The following TBC1D25 variants were observed in gnomAD, a reference collection of about 807,000 sequenced individuals.
TBC1D25 encodes the protein 5SN3 snoRNA.
In TBC1D25, 13 loss-of-function variants were observed where a neutral mutation model predicts 38.8. That is an observed-to-expected ratio of 0.34 (90% CI 0.22 to 0.53). The LOEUF is 0.53. TBC1D25 is among the 20% of genes least tolerant of loss of function. The probability of loss-of-function intolerance (pLI) is 0.94; values close to 1 mark genes in which losing one functional copy is unlikely to be tolerated. For synonymous variants in TBC1D25, 225 were observed against 255.6 expected (o/e 0.88, Z 1.14); for missense variants, 372 against 600.0 (o/e 0.62, Z 3.97).
At chrX:48,545,340 TATAAC>T (rs1331573745) in intron 3 of TBC1D25, among the ~76,000 whole-genome samples, 1 of 112,619 alleles carries the variant, frequency 8.9e-6, no homozygotes, top group Non-Finnish European at 1.9e-5. Flanking sequence ...ATTATACTAT[TATAAC>T]ATATAACCGA....
intron 2 of TBC1D25, 93 bp from the exon 3 acceptor site, chrX:48,544,776 C>T (rs1467337490): frequency 8.5e-6 from 9 of 1,063,465 alleles, no homozygotes; most frequent in African/African-American, 5.6e-5. Context: ...TTGTTTTCAA[C>T]GCCTTCTATA....
Position 48,562,423 on chromosome X carries a change from C to T in TBC1D25, c.*1448C>T, listed in dbSNP as rs1232369437. 8.9e-6 allele frequency: 1 copy of T among 111,972 alleles called. No homozygotes were observed. Among genetic ancestry groups the T allele is most frequent in the East Asian group, 2.8e-4 (1 of 3,567 alleles). 9.2% of individuals were successfully genotyped at this position (111,972 alleles called of 1,213,427 possible). Reference sequence around the variant, plus strand: ...AAGCTGACTATTCCTCAGATGATAGCCCAGTCACTTGAAGAACAGGACAAG... The same window carrying T: ...AAGCTGACTATTCCTCAGATGATAGTCCAGTCACTTGAAGAACAGGACAAG... On this transcript the variant is annotated 3_prime_UTR_variant, in exon 6 of 6. Coordinates refer to ENST00000376771, the MANE Select transcript of TBC1D25 (RefSeq NM_002536.4).
chrX:48,551,203 T>C lies in TBC1D25; in HGVS notation c.388+6180T>C, dbSNP rs959594382. Reference sequence around the variant, plus strand: ...CCACAATGAAACACTTGGATGTTTCTTCAGGGAAATGTGTGCATATTCACA... The same window carrying C: ...CCACAATGAAACACTTGGATGTTTCCTCAGGGAAATGTGTGCATATTCACA... On this transcript the variant is annotated intron_variant, in intron 3 of 5. Transcript: ENST00000376771. 8.0e-5 allele frequency among the ~76,000 whole-genome samples: 9 copies of C among 112,178 alleles called. No homozygotes were observed. In the Admixed American group the frequency reaches 8.6e-4, roughly 11 times the overall value.
Position 48,560,930 on chromosome X carries a change from G to A in TBC1D25, c.2022G>A (p.Glu674=), listed in dbSNP as rs1466458007. 1 of 1,206,885 alleles carries A rather than the reference G, an allele frequency of 8.3e-7. No individual in the cohort carries two copies. The highest frequency in any genetic ancestry group is 1.7e-5 in the African/African-American group (1 of 57,687). ...RALFADYLQS[E]VWDSEEGAEA... ...TCTTTGCTGATTACCTGCAGTCAGA[G>A]GTGTGGGACTCAGAGGAGGGGGCTG... Residue 674 remains glutamate, a synonymous_variant, in exon 6 of 6, where the codon GAG becomes GAA. Transcript: ENST00000376771.
chrX:48,539,721 C>T lies in TBC1D25; in HGVS notation c.-77C>T, dbSNP rs2061821998. The T allele has an allele frequency of 3.2e-6, 3 of 930,857 alleles. No homozygotes were observed. The highest frequency in any genetic ancestry group is 4.2e-5 in the East Asian group (1 of 23,814). The allele number at this position is 930,857 out of a possible 1,213,427, so 76.7% of individuals were successfully genotyped here. A position where few individuals can be genotyped will look rare whatever the true frequency, so the allele number is the denominator to read the frequency against. On this transcript the variant is annotated 5_prime_UTR_variant, in exon 1 of 6. Transcript: ENST00000376771. ...TGCGCCCCGGCACGAGGTGGGGCGGCGGGCGTCAGTACAGTAGAGTGTGCG... is the reference window on the plus strand; with the variant it reads ...TGCGCCCCGGCACGAGGTGGGGCGGTGGGCGTCAGTACAGTAGAGTGTGCG...
At chrX:48,548,759 A>G (rs1277788592) in intron 3 of TBC1D25, among the ~76,000 whole-genome samples, 1 of 112,215 alleles carries the variant, frequency 8.9e-6, no homozygotes, top group Non-Finnish European at 1.9e-5. Flanking sequence ...CTACACACAC[A>G]TTTATCCACA....
chrX:48,558,873 T>C (rs781968706), intron 3 of TBC1D25, 24 bp from the exon 4 acceptor site: 7 of 1,208,958 alleles, frequency 5.8e-6, no homozygotes, highest in South Asian at 3.5e-5. Flanking sequence ...CCCATTCTTA[T>C]AGCACTTTGT....
At chrX:48,541,553 C>T in intron 2 of TBC1D25, 111 bp downstream of exon 2, 1 of 733,681 alleles carries the variant, frequency 1.4e-6, no homozygotes, top group Non-Finnish European at 2.1e-6. Flanking sequence ...AATAATCCCA[C>T]AGTGAACAGC....
chrX:48,541,796 G>A (rs1000001287), intron 2 of TBC1D25, among the ~76,000 whole-genome samples: 2 of 111,631 alleles, frequency 1.8e-5, no homozygotes, highest in African/African-American at 6.5e-5. Context: ...AAAGCGATAC[G>A]CATTTGGTAG....
chrX:48,558,384 G>A (rs1283854477), intron 3 of TBC1D25, among the ~76,000 whole-genome samples: 12 of 111,483 alleles, frequency 1.1e-4, no homozygotes, highest in Non-Finnish European at 1.9e-4. Context: ...TTGAGCTTGG[G>A]CCTGGCCTTC....
At chrX:48,545,128 G>A (rs1222571155) in intron 3 of TBC1D25, 105 bp downstream of exon 3, 9 of 1,019,660 alleles carry the variant, frequency 8.8e-6, no homozygotes, top group Non-Finnish European at 1.2e-5. Context: ...GGGTAGCAAG[G>A]TATCCTAGCT....
chrX:48,560,892 C>T lies in TBC1D25; in HGVS notation c.1984C>T (p.Arg662Trp). 3 of 1,211,877 alleles carry T rather than the reference C, an allele frequency of 2.5e-6. No individual in the cohort carries two copies. The highest frequency in any genetic ancestry group is 3.3e-6 in the Non-Finnish European group (3 of 895,588). The stretch of plus-strand genomic sequence containing the variant: ...ACACCACCTGGGGCGCGTCCTGCGC[C>T]GGGCTAGGGCTCTCTTTGCTGATTA... Reference protein sequence around the residue: ...RKHHLGRVLRRARALFADYLQ... With the variant: ...RKHHLGRVLRWARALFADYLQ... The change falls in exon 6 of 6, where the codon CGG becomes TGG. Residue 662 changes from arginine (R) to tryptophan (W), a missense_variant. Arg to Trp is a moderately radical substitution (Grantham distance 101). Transcript: ENST00000376771.
rs2062016054 is a variant in TBC1D25, at chrX:48,560,554, C to T, written c.1646C>T (p.Pro549Leu). 1 of 1,208,812 alleles carries T rather than the reference C, an allele frequency of 8.3e-7. No individual in the cohort carries two copies. Among genetic ancestry groups the T allele is most frequent in the East Asian group, 3.0e-5 (1 of 33,802 alleles). The change falls in exon 6 of 6, where the codon CCA becomes CTA. Residue 549 changes from proline to leucine, a missense_variant. This residue lies in a region of TBC1D25 where 312 missense variants were observed against 549.3 expected (regional missense o/e 0.57). Transcript: ENST00000376771. ...GAGCCTTTATTGAACTCCCCAGACC[C>T]ACTGCTCTCCTCCTTTTCCCACCCT... ...LSEPLLNSPD[P>L]LLSSFSHPDS...
chrX:48,558,763 G>A, intron 3 of TBC1D25, 134 bp from the exon 4 acceptor site: 1 of 841,176 alleles, frequency 1.2e-6, no homozygotes, highest in Non-Finnish European at 1.7e-6. Flanking sequence ...ACATGATTTG[G>A]ATGATACAGG....
intron 3 of TBC1D25, among the ~76,000 whole-genome samples, chrX:48,555,334 C>T (rs11795697): frequency 0.52 from 57,106 of 109,833 alleles, 11,881 homozygotes; most frequent in African/African-American, 0.76. Context: ...AGGGTTTGTT[C>T]CCCCCCTCAG....
chrX:48,559,526 C>T (rs1307788403), intron 5 of TBC1D25, 88 bp from the exon 6 acceptor site: 21 of 1,103,574 alleles, frequency 1.9e-5, no homozygotes, highest in Non-Finnish European at 2.5e-5. Flanking sequence ...GACAGAGGCC[C>T]AAGGGGGGTG....
intron 3 of TBC1D25, among the ~76,000 whole-genome samples, chrX:48,557,555 A>G (rs1480069347): frequency 9.1e-6 from 1 of 109,943 alleles, no homozygotes; most frequent in African/African-American, 3.3e-5. Context: ...AGGCAGGAGA[A>G]TCACTTGAAC....
At chrX:48,552,437 C>T (rs782662428) in intron 3 of TBC1D25, among the ~76,000 whole-genome samples, 7 of 106,782 alleles carry the variant, frequency 6.6e-5, no homozygotes, top group Non-Finnish European at 1.2e-4. Context: ...TCGCTGCAAC[C>T]TCTGCATCCT....
intron 3 of TBC1D25, among the ~76,000 whole-genome samples, chrX:48,554,222 G>T (rs1433891106): frequency 1.9e-5 from 2 of 106,481 alleles, no homozygotes; most frequent in Non-Finnish European, 3.9e-5. Context: ...GAGCCATTGC[G>T]CCCAGTCTAA....
Sources: allele counts gnomAD v4.1 joint callset (sites outside exome capture counted in the v4.1 genomes callset), GRCh38; gene constraint gnomAD v4.1.1; regional missense constraint gnomAD v4.1.1; transcripts MANE v1.5; gene names NCBI Gene and HGNC (gene_info 2026-07-23, HGNC 2026-07-21).